COL5A3: variants seen among roughly 807,000 people sequenced by gnomAD.
COL5A3 encodes the protein collagen alpha-3(V) chain.
In COL5A3, 172 loss-of-function variants were observed where a neutral mutation model predicts 250.0. The observed-to-expected ratio is 0.69, with a 90% confidence interval of 0.61 to 0.78. The LOEUF is 0.78. Ranked by LOEUF, COL5A3 falls within the 30% of genes least tolerant of loss-of-function variation. COL5A3 has a pLI of 0.00. For synonymous variants in COL5A3, 937 were observed against 900.4 expected, an observed-to-expected ratio of 1.04 and a Z score of -0.73; for missense variants, 2,340 against 2,334.4, an observed-to-expected ratio of 1.00 and a Z score of -0.05.
chr19:10,001,954 T>C, intron 6 of COL5A3, 73 bp from the exon 7 acceptor site: 2 of 1,054,134 alleles, frequency 1.9e-6, no homozygotes, highest in Admixed American at 2.0e-5. Context: ...ACCCTCCCAC[T>C]GTCCCCAGGA....
At chr19:10,001,232 GC>G (rs2087355711) in intron 8 of COL5A3, among the ~76,000 whole-genome samples, 2 of 151,720 alleles carry the variant, frequency 1.3e-5, no homozygotes, top group Admixed American at 6.6e-5. Context: ...TGCAGCCTCT[GC>G]CTCCCGGGTT....
At position 9,970,644 on chromosome 19, in the gene COL5A3, G is replaced by C. The variant is rs1260716481; in HGVS notation, c.3914C>G (p.Ala1305Gly). ...GPPGASGEPG[A>G]PGPPGKRGPS... ...TACCCTCTTGCCGGGGGGCCCGGGGGCGCCGGGCTCCCCAGAAGCTCCAGG... is the reference window on the plus strand; with the variant it reads ...TACCCTCTTGCCGGGGGGCCCGGGGCCGCCGGGCTCCCCAGAAGCTCCAGG... Residue 1305 changes from alanine (A) to glycine (G), a missense_variant, in exon 54 of 67, where the codon GCC (alanine) becomes GGC (glycine). Physicochemically the swap from Ala to Gly is moderately conservative, Grantham distance 60. Around this residue, in one of 3 missense-constraint regions of COL5A3, gnomAD observed 1,179 missense variants for 1,162.6 expected, o/e 1.01. Coordinates refer to ENST00000264828, the MANE Select transcript of COL5A3 (RefSeq NM_015719.4). 1.4e-6 allele frequency: 2 copies of C among 1,455,498 alleles called. No homozygotes were observed. Among genetic ancestry groups the C allele is most frequent in the Non-Finnish European group, 1.8e-6 (2 of 1,105,572 alleles). 90.2% of individuals were successfully genotyped at this position (1,455,498 alleles called of 1,614,324 possible).
intron 6 of COL5A3, 144 bp downstream of exon 6, chr19:10,003,421 G>A: frequency 1.2e-6 from 1 of 824,176 alleles, no homozygotes. Flanking sequence ...ATGGATCCGA[G>A]ACCAGAGAAA....
At position 9,976,563 on chromosome 19, in the gene COL5A3, G is replaced by C. The variant is rs752175069; in HGVS notation, c.3337C>G (p.Pro1113Ala). The C allele has an allele frequency of 8.2e-5, 129 of 1,568,664 alleles. No homozygotes were observed. Among genetic ancestry groups the C allele is most frequent in the Non-Finnish European group, 1.0e-4 (116 of 1,164,492 alleles). ...GIRGPAGHPGPPGADGAQGRR... is the reference protein window; with the variant it reads ...GIRGPAGHPGAPGADGAQGRR... ...GAAAAGATGGGGGCACTCACCGGGG[G>C]ACCTGGGTGTCCTGCAGGACCCCGT... is the stretch of plus-strand genomic sequence containing the variant. Residue 1113 changes from proline to alanine, a missense_variant, in exon 45 of 67, where the codon CCC (proline) becomes GCC (alanine). By Grantham distance (27) the Pro-to-Ala change is conservative. This residue lies in a region of COL5A3 where 1,179 missense variants were observed against 1,162.6 expected (regional missense o/e 1.01). Coordinates refer to ENST00000264828, the MANE Select transcript of COL5A3 (RefSeq NM_015719.4).
chr19:10,006,018 G>A (rs1333700953), intron 2 of COL5A3, 33 bp from the exon 3 acceptor site: 9 of 1,610,624 alleles, frequency 5.6e-6, no homozygotes, highest in Non-Finnish European at 7.6e-6. Context: ...GCAGCTCAGA[G>A]GGCCCAGCAG....
intron 1 of COL5A3, 74 bp downstream of exon 1, chr19:10,010,224 C>G: frequency 9.1e-7 from 1 of 1,104,564 alleles, no homozygotes; most frequent in Non-Finnish European, 1.2e-6. Flanking sequence ...CCCTCCACCC[C>G]CCTCCACCCC....
At chr19:9,986,821 G>C in intron 27 of COL5A3, 63 bp from the exon 28 acceptor site, 1 of 1,577,910 alleles carries the variant, frequency 6.3e-7, no homozygotes. Context: ...CCCAGACTCA[G>C]TCCCCTGCTC....
intron 27 of COL5A3, among the ~76,000 whole-genome samples, chr19:9,988,514 T>C (rs1257355372): frequency 6.6e-6 from 1 of 152,078 alleles, no homozygotes; most frequent in Non-Finnish European, 1.5e-5. Context: ...ACTGTGCTTA[T>C]GTGATTCTGA....
Position 9,982,690 on chromosome 19 carries a change from C to T in COL5A3, c.2407-572G>A, listed in dbSNP as rs554829823. On this transcript the variant is annotated intron_variant, in intron 31 of 66. Coordinates refer to ENST00000264828, the MANE Select transcript of COL5A3 (RefSeq NM_015719.4). Reference sequence around the variant, plus strand: ...TCCACCTGGGGGAAGACATCACAGGCTCTGATATCCTCTCCCACACCTCAC... The same window carrying T: ...TCCACCTGGGGGAAGACATCACAGGTTCTGATATCCTCTCCCACACCTCAC... Among the ~76,000 whole-genome samples the T allele has an allele frequency of 4.6e-5, 7 of 152,258 alleles. No individual in the cohort carries two copies. In the South Asian group the frequency reaches 1.5e-3, roughly 32 times the overall value.
chr19:9,979,150 T>A lies in COL5A3; in HGVS notation c.2856A>T (p.Glu952Asp). 1 of 1,591,282 alleles carries A rather than the reference T, an allele frequency of 6.3e-7. No homozygotes were observed. Among genetic ancestry groups the A allele is most frequent in the Non-Finnish European group, 8.5e-7 (1 of 1,173,466 alleles). ...PPGEQGLPGL[E>D]GREGAKGELG... is the part of the protein sequence containing the mutation. ...GTCTCACCTTGGCCCCCTCTCTGCC[T>A]TCCAGGCCAGGAAGACCTTGTTCAC... is the stretch of plus-strand genomic sequence containing the variant. Residue 952 changes from glutamate (E) to aspartate (D), a missense_variant, in exon 39 of 67, where the codon GAA becomes GAT. This residue lies in a region of COL5A3 where 1,179 missense variants were observed against 1,162.6 expected (regional missense o/e 1.01). Transcript: ENST00000264828.
At chr19:9,997,929 A>G (rs1315703993) in intron 10 of COL5A3, 55 bp downstream of exon 10, 23 of 1,597,366 alleles carry the variant, frequency 1.4e-5, no homozygotes, top group Non-Finnish European at 1.9e-5. Context: ...AGGGGATTAA[A>G]CACCCCTCAG....
intron 45 of COL5A3, among the ~76,000 whole-genome samples, chr19:9,975,454 A>C (rs2086906456): frequency 6.6e-6 from 1 of 151,998 alleles, no homozygotes; most frequent in Non-Finnish European, 1.5e-5. Flanking sequence ...GGGGGTTCAG[A>C]GCTGGGTTTA....
chr19:9,998,892 T>C (rs1261514667), intron 8 of COL5A3, among the ~76,000 whole-genome samples: 5 of 151,802 alleles, frequency 3.3e-5, no homozygotes, highest in African/African-American at 1.2e-4. Context: ...ACCATGTTGG[T>C]TAGGCTGGTC....
chr19:9,984,819 C>T (rs569756683), intron 31 of COL5A3, among the ~76,000 whole-genome samples: 1 of 152,066 alleles, frequency 6.6e-6, no homozygotes, highest in South Asian at 2.1e-4. Context: ...GAGACAGAGT[C>T]CCCCTCTGTC....
At chr19:10,001,088 C>G (rs1238789710) in intron 8 of COL5A3, among the ~76,000 whole-genome samples, 1 of 151,806 alleles carries the variant, frequency 6.6e-6, no homozygotes, top group African/African-American at 2.4e-5. Flanking sequence ...TACCCCTGAA[C>G]TTAAGATAAA....
intron 24 of COL5A3, among the ~76,000 whole-genome samples, chr19:9,991,200 C>CCA (rs1255016744): frequency 6.6e-6 from 1 of 152,168 alleles, no homozygotes; most frequent in Non-Finnish European, 1.5e-5. Flanking sequence ...CATTATTGAG[C>CCA]CACTGCACTC....
chr19:10,008,445 T>TTGG (rs533739584), intron 1 of COL5A3, among the ~76,000 whole-genome samples: 1 of 148,384 alleles, frequency 6.7e-6, no homozygotes, highest in Admixed American at 6.7e-5. Context: ...GGACAAGGGG[T>TTGG]GGGGGGGTCT....
chr19:9,961,157 G>A (rs2086667636), intron 65 of COL5A3, among the ~76,000 whole-genome samples: 1 of 151,922 alleles, frequency 6.6e-6, no homozygotes, highest in Non-Finnish European at 1.5e-5. Context: ...ACCAATCCAG[G>A]GTTTTAACAC....
chr19:9,969,050 G>A (rs2277967), intron 57 of COL5A3, among the ~76,000 whole-genome samples: 125 of 152,098 alleles, frequency 8.2e-4, no homozygotes, highest in African/African-American at 2.8e-3. Flanking sequence ...TGGAGTATTA[G>A]AGCAGAGGGT....
Sources: gnomAD v4.1 joint callset for allele counts (sites outside exome capture counted in the v4.1 genomes callset) on GRCh38, gnomAD v4.1.1 for gene constraint, gnomAD v4.1.1 regional missense constraint, MANE v1.5 for transcripts, NCBI Gene and HGNC (gene_info 2026-07-23, HGNC 2026-07-21) for gene names.